Variants in LRRIQ1 observed in about 807,000 individuals in gnomAD.
LRRIQ1 encodes the protein leucine rich repeats and IQ motif containing 1, also known as leucine-rich repeat- and IQ domain-containing protein 1.
Under a neutral mutation model 211.9 loss-of-function variants are expected in LRRIQ1, and 210 were observed. The observed-to-expected ratio is 0.99, with a 90% CI of 0.89 to 1.11. The LOEUF is 1.11. LRRIQ1 is among the 50% of genes most tolerant of loss of function. The probability of loss-of-function intolerance (pLI) is 0.00; values close to 1 mark genes in which losing one functional copy is unlikely to be tolerated. For missense variants in LRRIQ1, 2,136 were observed against 1,939.5 expected (o/e 1.10, Z -1.90); for synonymous variants, 699 against 650.1 (o/e 1.08, Z -1.14).
intron 15 of LRRIQ1, among the ~76,000 whole-genome samples, chr12:85,116,780 C>T (rs1887613083): frequency 6.6e-6 from 1 of 152,122 alleles, no homozygotes; most frequent in Non-Finnish European, 1.5e-5. Context: ...TCATTTAGCT[C>T]CCACTTAAAA....
chr12:85,043,757 A>G lies in LRRIQ1; in HGVS notation c.245-961A>G, dbSNP rs982506991. ...AAGGTGTAGAACAAACCCCACACAT[A>G]TATCATAAAACTGGGCTGCATCAGA... On this transcript the variant is annotated intron_variant, in intron 3 of 26. Coordinates refer to ENST00000393217, the MANE Select transcript of LRRIQ1 (RefSeq NM_001079910.2). Among the ~76,000 whole-genome samples, 4 of 152,062 alleles carry G rather than the reference A, an allele frequency of 2.6e-5. No homozygotes were observed. In the East Asian group the frequency reaches 5.8e-4, roughly 22 times the overall value.
chr12:85,050,406 C>T (rs1021933850), intron 6 of LRRIQ1, among the ~76,000 whole-genome samples: 9 of 152,146 alleles, frequency 5.9e-5, no homozygotes, highest in Non-Finnish European at 1.0e-4. Context: ...GACTACATAA[C>T]TCTCCTACAA....
chr12:85,252,878 A>G (rs941558564), intron 1 of LRRIQ1, among the ~76,000 whole-genome samples: 1 of 151,976 alleles, frequency 6.6e-6, no homozygotes, highest in Non-Finnish European at 1.5e-5. Context: ...GCACTATTAT[A>G]TATTGTTGAT....
At chr12:85,050,282 T>A (rs1880150163) in intron 6 of LRRIQ1, among the ~76,000 whole-genome samples, 1 of 152,162 alleles carries the variant, frequency 6.6e-6, no homozygotes, top group Non-Finnish European at 1.5e-5. Flanking sequence ...TCCATATACC[T>A]CCACCTTGAT....
At chr12:85,216,759 C>T (rs555913027) in intron 24 of LRRIQ1, among the ~76,000 whole-genome samples, 2 of 151,876 alleles carry the variant, frequency 1.3e-5, no homozygotes, top group South Asian at 4.2e-4. Context: ...TACCTATTTT[C>T]AAATTAAACG....
chr12:85,172,953 A>G (rs1354226687), intron 24 of LRRIQ1, among the ~76,000 whole-genome samples: 1 of 150,380 alleles, frequency 6.6e-6, no homozygotes, highest in Non-Finnish European at 1.5e-5. Context: ...CTAAAAATTA[A>G]AAAAAAAATA....
chr12:85,196,086 G>A (rs1165521945), intron 24 of LRRIQ1, among the ~76,000 whole-genome samples: 3 of 151,852 alleles, frequency 2.0e-5, no homozygotes, highest in South Asian at 2.1e-4. Context: ...ATTGCTTCAA[G>A]GAGAATAAAA....
intron 15 of LRRIQ1, among the ~76,000 whole-genome samples, chr12:85,113,907 T>TTGTGTGTGTGTGTGTGTG (rs71076112): frequency 7.0e-4 from 99 of 140,962 alleles, no homozygotes; most frequent in Non-Finnish European, 1.1e-3. Flanking sequence ...CAAATGAGTT[T>TTGTGTGTGTGTGTGTGTG]TGTGTGTGTG....
At chr12:85,220,208 C>G (rs1264618620) in intron 24 of LRRIQ1, among the ~76,000 whole-genome samples, 1 of 152,034 alleles carries the variant, frequency 6.6e-6, no homozygotes, top group Non-Finnish European at 1.5e-5. Flanking sequence ...GAAATGAACT[C>G]ATCTCTATTA....
chr12:85,186,236 C>G (rs576640807), intron 24 of LRRIQ1, among the ~76,000 whole-genome samples: 15 of 152,290 alleles, frequency 9.8e-5, no homozygotes, highest in Admixed American at 8.5e-4. Flanking sequence ...GAATTAAGCT[C>G]TAAGTACCAG....
At chr12:85,099,329 A>T (rs999549519) in intron 13 of LRRIQ1, among the ~76,000 whole-genome samples, 1 of 151,850 alleles carries the variant, frequency 6.6e-6, no homozygotes, top group Non-Finnish European at 1.5e-5. Flanking sequence ...TAGTTAATTT[A>T]ATTCAGAAGG....
chr12:85,071,242 C>CTA (rs1362895571), intron 10 of LRRIQ1, among the ~76,000 whole-genome samples: 1 of 151,868 alleles, frequency 6.6e-6, no homozygotes, highest in African/African-American at 2.4e-5. Flanking sequence ...ATGTGTGCAT[C>CTA]TATATATATG....
At chr12:85,174,971 G>T (rs981489683) in intron 24 of LRRIQ1, among the ~76,000 whole-genome samples, 1 of 151,928 alleles carries the variant, frequency 6.6e-6, no homozygotes, top group Admixed American at 6.6e-5. Context: ...CTTGCAATGG[G>T]TCAGTTATCT....
intron 17 of LRRIQ1, among the ~76,000 whole-genome samples, chr12:85,125,323 A>G (rs1411287711): frequency 6.6e-6 from 1 of 152,218 alleles, no homozygotes; most frequent in African/African-American, 2.4e-5. Flanking sequence ...TAATAGATCT[A>G]TAAGGTAGGG....
chr12:85,102,957 A>ATATATAT (rs1383729830), intron 13 of LRRIQ1, among the ~76,000 whole-genome samples: 158 of 117,300 alleles, frequency 1.3e-3, no homozygotes, highest in African/African-American at 5.0e-3. Context: ...AAAAAAAAAA[A>ATATATAT]AAATATATAT....
chr12:85,197,909 AT>A (rs1893023800), intron 24 of LRRIQ1, among the ~76,000 whole-genome samples: 1 of 124,500 alleles, frequency 8.0e-6, no homozygotes, highest in South Asian at 2.2e-4. Context: ...AATAAAATAT[AT>A]AATAAAAATA....
At chr12:85,194,625 C>T (rs1256599562) in intron 24 of LRRIQ1, among the ~76,000 whole-genome samples, 7 of 151,744 alleles carry the variant, frequency 4.6e-5, no homozygotes, top group East Asian at 1.9e-4. Context: ...TTGAAACCAA[C>T]GAGAACAAAG....
At chr12:85,118,312 C>T (rs1260748524) in intron 15 of LRRIQ1, among the ~76,000 whole-genome samples, 3 of 152,020 alleles carry the variant, frequency 2.0e-5, no homozygotes, top group Admixed American at 6.6e-5. Context: ...ATTAGCAAAG[C>T]GTCAAGATTT....
intron 6 of LRRIQ1, among the ~76,000 whole-genome samples, chr12:85,049,132 A>G (rs7302801): frequency 0.057 from 8,676 of 152,200 alleles, 834 homozygotes; most frequent in African/African-American, 0.2. Context: ...AAAGTTTCCA[A>G]TGGTTCTAGC....
Sources: allele counts gnomAD v4.1 joint callset (sites outside exome capture counted in the v4.1 genomes callset), GRCh38; gene constraint gnomAD v4.1.1; transcripts MANE v1.5; gene names NCBI Gene and HGNC (gene_info 2026-07-23, HGNC 2026-07-21).